Variants in PEX5L observed in about 807,000 individuals in gnomAD.
PEX5L encodes the protein PEX5-related protein.
Under a neutral mutation model 84.0 loss-of-function variants are expected in PEX5L, and 30 were observed. That is an observed-to-expected ratio of 0.36 (90% CI 0.27 to 0.48). The LOEUF (loss-of-function observed/expected upper bound fraction) is 0.48, where lower values mean the gene tolerates loss of function less well. Ranked by LOEUF, PEX5L falls within the 20% of genes least tolerant of loss-of-function variation. The probability of loss-of-function intolerance (pLI) is 0.99; values close to 1 mark genes in which losing one functional copy is unlikely to be tolerated. For missense variants in PEX5L, 533 were observed against 754.6 expected (o/e 0.71, Z 3.44); for synonymous variants, 270 against 283.1 (o/e 0.95, Z 0.46).
intron 1 of PEX5L, among the ~76,000 whole-genome samples, chr3:180,019,082 G>C (rs2110499268): frequency 1.3e-5 from 2 of 152,302 alleles, no homozygotes; most frequent in Admixed American, 1.3e-4. Context: ...TAAAGGAGTG[G>C]AACGTGTGAA....
chr3:179,992,346 G>A (rs1787459926), intron 1 of PEX5L, among the ~76,000 whole-genome samples: 1 of 152,184 alleles, frequency 6.6e-6, no homozygotes, highest in African/African-American at 2.4e-5. Flanking sequence ...CTCAAGAAAG[G>A]TTGAATGATT....
chr3:179,957,646 A>G (rs779120908), intron 2 of PEX5L, among the ~76,000 whole-genome samples: 1 of 152,222 alleles, frequency 6.6e-6, no homozygotes, highest in Non-Finnish European at 1.5e-5. Context: ...CCCATAACAG[A>G]AAGCTGCTCA....
chr3:180,014,449 G>A (rs1357755115), intron 1 of PEX5L, among the ~76,000 whole-genome samples: 1 of 151,034 alleles, frequency 6.6e-6, no homozygotes, highest in Non-Finnish European at 1.5e-5. Context: ...TCCAGCCTGG[G>A]TGACAGAGCG....
rs543182376 is a variant in PEX5L, at chr3:179,941,797, C to T, written c.93+29797G>A. 9.5e-4 allele frequency among the ~76,000 whole-genome samples: 145 copies of T among 151,994 alleles called. 1 individual carries two copies. The highest frequency in any genetic ancestry group is 5.2e-4 in the Non-Finnish European group (35 of 67,936). ...CAGGATTTTGTGAGGCAGAGGTGGGCGGATCACGAGGTCAGGAGTTCGAGA... is the reference window on the plus strand; with the variant it reads ...CAGGATTTTGTGAGGCAGAGGTGGGTGGATCACGAGGTCAGGAGTTCGAGA... On this transcript the variant is annotated intron_variant, in intron 2 of 14. Coordinates refer to ENST00000467460, the MANE Select transcript of PEX5L (RefSeq NM_016559.3).
At chr3:179,992,740 G>A (rs544487148) in intron 1 of PEX5L, among the ~76,000 whole-genome samples, 3 of 152,236 alleles carry the variant, frequency 2.0e-5, no homozygotes, top group East Asian at 1.9e-4. Flanking sequence ...CAGCGCACAC[G>A]AATTTCAAGA....
intron 2 of PEX5L, among the ~76,000 whole-genome samples, chr3:179,931,468 T>C (rs1233924019): frequency 6.6e-6 from 1 of 152,214 alleles, no homozygotes; most frequent in African/African-American, 2.4e-5. Flanking sequence ...CGGTCTGCTT[T>C]CGAAATAGCT....
At chr3:179,961,231 T>G (rs1178869694) in intron 2 of PEX5L, among the ~76,000 whole-genome samples, 1 of 147,400 alleles carries the variant, frequency 6.8e-6, no homozygotes, top group Non-Finnish European at 1.5e-5. Context: ...GTGTGTGTGT[T>G]TCCTAGATCA....
chr3:179,934,311 G>A (rs1157158461), intron 2 of PEX5L, among the ~76,000 whole-genome samples: 8 of 152,208 alleles, frequency 5.3e-5, no homozygotes, highest in Non-Finnish European at 1.2e-4. Flanking sequence ...AAGATTATGT[G>A]TACTGAACCA....
At chr3:179,954,062 G>A (rs1779822342) in intron 2 of PEX5L, among the ~76,000 whole-genome samples, 1 of 152,076 alleles carries the variant, frequency 6.6e-6, no homozygotes, top group Non-Finnish European at 1.5e-5. Flanking sequence ...TCTAAGGAGG[G>A]ATGTGAGGCA....
At chr3:179,968,647 G>A (rs529903639) in intron 2 of PEX5L, among the ~76,000 whole-genome samples, 2 of 151,770 alleles carry the variant, frequency 1.3e-5, no homozygotes, top group African/African-American at 4.8e-5. Flanking sequence ...GAGATTTCTG[G>A]TGGAAAATAT....
Position 179,868,044 on chromosome 3 carries a change from T to C in PEX5L, c.726+6283A>G, listed in dbSNP as rs1309303109. On this transcript the variant is annotated intron_variant, in intron 7 of 14. Transcript: ENST00000467460. Reference sequence around the variant, plus strand: ...ATGTATTTATTCTTCTTCTTCTTCTTTTTTTTTTTTTTTTTTTTTAGAGAT... The same window carrying C: ...ATGTATTTATTCTTCTTCTTCTTCTCTTTTTTTTTTTTTTTTTTTAGAGAT... Among the ~76,000 whole-genome samples, 30 of 129,646 alleles carry C rather than the reference T, an allele frequency of 2.3e-4. 1 individual carries two copies. The highest frequency in any genetic ancestry group is 4.3e-4 in the Non-Finnish European group (27 of 62,516). 85.1% of individuals were successfully genotyped at this position (129,646 alleles called of 152,430 possible).
chr3:180,019,750 G>A (rs2110501979), intron 1 of PEX5L, among the ~76,000 whole-genome samples: 1 of 152,228 alleles, frequency 6.6e-6, no homozygotes, highest in African/African-American at 2.4e-5. Context: ...TAGTTTGAGG[G>A]TATAATTTCC....
intron 3 of PEX5L, among the ~76,000 whole-genome samples, chr3:179,893,639 G>A (rs934380281): frequency 2.0e-4 from 31 of 152,192 alleles, no homozygotes; most frequent in African/African-American, 7.2e-4. Context: ...CCATTATTCT[G>A]TAGTTTCACA....
At chr3:179,932,821 G>C (rs761245462) in intron 2 of PEX5L, among the ~76,000 whole-genome samples, 11 of 152,152 alleles carry the variant, frequency 7.2e-5, no homozygotes, top group Non-Finnish European at 1.2e-4. Flanking sequence ...GCTTCATTAA[G>C]TTAGTTAACA....
intron 2 of PEX5L, among the ~76,000 whole-genome samples, chr3:179,968,001 T>C (rs1489443289): frequency 6.6e-6 from 1 of 152,142 alleles, no homozygotes; most frequent in Non-Finnish European, 1.5e-5. Flanking sequence ...CTGGCTGAAA[T>C]TTGACATTTC....
At chr3:179,961,236 A>G (rs1246560071) in intron 2 of PEX5L, among the ~76,000 whole-genome samples, 1 of 150,018 alleles carries the variant, frequency 6.7e-6, no homozygotes, top group Non-Finnish European at 1.5e-5. Flanking sequence ...TGTGTTTCCT[A>G]GATCACAAGA....
intron 2 of PEX5L, among the ~76,000 whole-genome samples, chr3:179,970,570 C>G (rs561068268): frequency 6.6e-6 from 1 of 152,132 alleles, no homozygotes; most frequent in Admixed American, 6.6e-5. Context: ...GCAAGTTTTT[C>G]CAGAAGACCA....
chr3:179,945,133 G>A (rs16830942), intron 2 of PEX5L, among the ~76,000 whole-genome samples: 72 of 152,272 alleles, frequency 4.7e-4, no homozygotes, highest in African/African-American at 1.7e-3. Context: ...TTATTTAATC[G>A]TATAGAGCCA....
intron 8 of PEX5L, among the ~76,000 whole-genome samples, chr3:179,828,822 CAT>C (rs1408531842): frequency 6.6e-6 from 1 of 152,108 alleles, no homozygotes; most frequent in Non-Finnish European, 1.5e-5. Context: ...GAGTCTATGA[CAT>C]AGTTTGTTTT....
Sources: gnomAD v4.1 joint callset for allele counts (sites outside exome capture counted in the v4.1 genomes callset) on GRCh38, gnomAD v4.1.1 for gene constraint, MANE v1.5 for transcripts, NCBI Gene and HGNC (gene_info 2026-07-23, HGNC 2026-07-21) for gene names.